TMEM132C: variants seen among roughly 807,000 people sequenced by gnomAD.
TMEM132C encodes the protein transmembrane protein 132C.
In TMEM132C, 29 loss-of-function variants were observed where a neutral mutation model predicts 61.4. The ratio of observed to expected loss-of-function variants is 0.47; its 90% CI spans 0.35 to 0.64. The LOEUF (loss-of-function observed/expected upper bound fraction) is 0.64, where lower values mean the gene tolerates loss of function less well. TMEM132C is among the 30% of genes least tolerant of loss of function. The probability of loss-of-function intolerance (pLI) is 0.00; values close to 1 mark genes in which losing one functional copy is unlikely to be tolerated. For synonymous variants in TMEM132C, 656 were observed against 633.1 expected, an observed-to-expected ratio of 1.04 and a Z score of -0.54; for missense variants, 1,408 against 1,476.9, an observed-to-expected ratio of 0.95 and a Z score of 0.76.
At chr12:128,339,332 T>A (rs1482252307) in intron 1 of TMEM132C, among the ~76,000 whole-genome samples, 1 of 152,070 alleles carries the variant, frequency 6.6e-6, no homozygotes, top group Non-Finnish European at 1.5e-5. Flanking sequence ...GAGGTCTGTC[T>A]GTCTTCTGCT....
intron 2 of TMEM132C, among the ~76,000 whole-genome samples, chr12:128,480,479 A>G (rs1407331280): frequency 6.6e-6 from 1 of 152,192 alleles, no homozygotes; most frequent in Non-Finnish European, 1.5e-5. Context: ...GAGGGTTGCA[A>G]GTTAGTGACA....
intron 1 of TMEM132C, among the ~76,000 whole-genome samples, chr12:128,302,074 A>G (rs1359629927): frequency 6.6e-6 from 1 of 152,198 alleles, no homozygotes; most frequent in Non-Finnish European, 1.5e-5. Context: ...TGGGAGCTAC[A>G]ATTCAAGATG....
intron 8 of TMEM132C, among the ~76,000 whole-genome samples, chr12:128,698,027 A>C (rs1185684744): frequency 6.6e-6 from 1 of 152,162 alleles, no homozygotes; most frequent in Non-Finnish European, 1.5e-5. Flanking sequence ...AATCCGCCCC[A>C]TTTCTTACCA....
At chr12:128,550,563 C>A (rs1874139356) in intron 3 of TMEM132C, among the ~76,000 whole-genome samples, 1 of 152,276 alleles carries the variant, frequency 6.6e-6, no homozygotes, top group Non-Finnish European at 1.5e-5. Context: ...CCTCGGCCTC[C>A]CAAAGTGCTG....
At chr12:128,478,705 G>C (rs535918292) in intron 2 of TMEM132C, among the ~76,000 whole-genome samples, 1 of 152,168 alleles carries the variant, frequency 6.6e-6, no homozygotes, top group Admixed American at 6.5e-5. Context: ...ATTACCGGAG[G>C]TACAGCAAAG....
chr12:128,464,541 A>AAT (rs1870654942), intron 2 of TMEM132C, among the ~76,000 whole-genome samples: 1 of 152,180 alleles, frequency 6.6e-6, no homozygotes, highest in Non-Finnish European at 1.5e-5. Flanking sequence ...TGAGGCCAGG[A>AAT]GGATGGTTTG....
At chr12:128,465,828 G>A (rs569656243) in intron 2 of TMEM132C, among the ~76,000 whole-genome samples, 5 of 152,290 alleles carry the variant, frequency 3.3e-5, no homozygotes, top group South Asian at 2.1e-4. Flanking sequence ...CTGCGGCACC[G>A]GGTGCTCAGT....
At chr12:128,317,388 C>G (rs1004025224) in intron 1 of TMEM132C, among the ~76,000 whole-genome samples, 1 of 152,154 alleles carries the variant, frequency 6.6e-6, no homozygotes, top group Admixed American at 6.6e-5. Context: ...GATCTTGGTA[C>G]TGGATGTTCA....
At chr12:128,296,150 C>T (rs183992439) in intron 1 of TMEM132C, among the ~76,000 whole-genome samples, 3 of 152,296 alleles carry the variant, frequency 2.0e-5, no homozygotes, top group Admixed American at 1.3e-4. Context: ...TGCCTGAACC[C>T]AGGAGACAGG....
Position 128,607,024 on chromosome 12 carries a change from G to A in TMEM132C, c.1122-9128G>A, listed in dbSNP as rs996482217. 3.3e-5 allele frequency among the ~76,000 whole-genome samples: 5 copies of A among 152,252 alleles called. No individual in the cohort carries two copies. In the South Asian group the frequency reaches 6.2e-4, roughly 19 times the overall value. Reference sequence around the variant, plus strand: ...GAATAAGGAAGACACAGGACAGGTCGGAGGGTGACGAGTGCTGTAGAAAAG... The same window carrying A: ...GAATAAGGAAGACACAGGACAGGTCAGAGGGTGACGAGTGCTGTAGAAAAG... On this transcript the variant is annotated intron_variant, in intron 3 of 8. Coordinates refer to ENST00000435159, the MANE Select transcript of TMEM132C (RefSeq NM_001136103.3).
chr12:128,540,244 A>C (rs1873687185), intron 2 of TMEM132C, among the ~76,000 whole-genome samples: 1 of 151,782 alleles, frequency 6.6e-6, no homozygotes, highest in Non-Finnish European at 1.5e-5. Context: ...AATGCGAATG[A>C]TTCTCTGTTT....
intron 3 of TMEM132C, among the ~76,000 whole-genome samples, chr12:128,577,959 T>G (rs958082326): frequency 1.3e-5 from 2 of 152,266 alleles, no homozygotes; most frequent in African/African-American, 4.8e-5. Context: ...TATCCGCAGG[T>G]CATTAGTACA....
At position 128,656,336 on chromosome 12, in the gene TMEM132C, C is replaced by T. The variant is rs113766085; in HGVS notation, c.1306-13081C>T. 5.8e-3 allele frequency among the ~76,000 whole-genome samples: 884 copies of T among 152,298 alleles called. 12 individuals are homozygous for T. Among genetic ancestry groups the T allele is most frequent in the African/African-American group, 0.02 (836 of 41,546 alleles). ...AAAGTGCTGGGATTACAGACGTGAG[C>T]CACTGTGCCCAGCCTAGCAAATGGC... On this transcript the variant is annotated intron_variant, in intron 4 of 8. Transcript: ENST00000435159.
intron 1 of TMEM132C, among the ~76,000 whole-genome samples, chr12:128,273,628 C>T (rs758544311): frequency 3.3e-5 from 5 of 152,014 alleles, no homozygotes; most frequent in Non-Finnish European, 7.4e-5. Context: ...TCTTTCCCTA[C>T]CAGCTTTTAT....
chr12:128,355,821 C>T (rs955300741), intron 1 of TMEM132C, among the ~76,000 whole-genome samples: 67 of 152,062 alleles, frequency 4.4e-4, no homozygotes, highest in Admixed American at 4.3e-3. Flanking sequence ...ATAGCTCTGC[C>T]TCCTTTGGAG....
intron 2 of TMEM132C, among the ~76,000 whole-genome samples, chr12:128,542,092 C>T (rs560366756): frequency 6.6e-6 from 1 of 152,248 alleles, no homozygotes; most frequent in African/African-American, 2.4e-5. Context: ...TCATTCACTC[C>T]GATTTTGTAA....
Position 128,604,507 on chromosome 12 carries a change from G to A in TMEM132C, c.1122-11645G>A, listed in dbSNP as rs1162614007. 5.3e-5 allele frequency among the ~76,000 whole-genome samples: 8 copies of A among 150,616 alleles called. No homozygotes were observed. In the East Asian group the frequency reaches 1.6e-3, roughly 29 times the overall value. ...TAGATCATAGAGGGATAGACAGATG[G>A]CTAGATAGATAAATAATGGATGGAA... On this transcript the variant is annotated intron_variant, in intron 3 of 8. Coordinates refer to ENST00000435159, the MANE Select transcript of TMEM132C (RefSeq NM_001136103.3).
At chr12:128,528,115 AG>A (rs780233528) in intron 2 of TMEM132C, among the ~76,000 whole-genome samples, 8 of 152,204 alleles carry the variant, frequency 5.3e-5, no homozygotes, top group Non-Finnish European at 1.2e-4. Context: ...AACATAGCAG[AG>A]CGCTGACTTC....
Position 128,481,843 on chromosome 12 carries a change from A to G in TMEM132C, c.975-62114A>G, listed in dbSNP as rs1035893223. Among the ~76,000 whole-genome samples, 19 of 152,060 alleles carry G rather than the reference A, an allele frequency of 1.2e-4. 1 individual carries two copies. Among genetic ancestry groups the G allele is most frequent in the African/African-American group, 3.4e-4 (14 of 41,388 alleles). On this transcript the variant is annotated intron_variant, in intron 2 of 8. Coordinates refer to ENST00000435159, the MANE Select transcript of TMEM132C (RefSeq NM_001136103.3). Reference sequence around the variant, plus strand: ...CTCTGCTTGACCTGGTGGAGCCCCTATTTCCTCATGAGGAAATGAATGTAA... The same window carrying G: ...CTCTGCTTGACCTGGTGGAGCCCCTGTTTCCTCATGAGGAAATGAATGTAA...
Sources: allele counts gnomAD v4.1 joint callset (sites outside exome capture counted in the v4.1 genomes callset), GRCh38; gene constraint gnomAD v4.1.1; transcripts MANE v1.5; gene names NCBI Gene and HGNC (gene_info 2026-07-23, HGNC 2026-07-21).